The following ANK3 variants were observed in gnomAD, a reference collection of about 807,000 sequenced individuals.
The protein encoded by ANK3 is ankyrin 3.
In ANK3, 57 loss-of-function variants were observed where a neutral mutation model predicts 370.9. The ratio of observed to expected loss-of-function variants is 0.15; its 90% CI spans 0.12 to 0.19. The LOEUF (loss-of-function observed/expected upper bound fraction) is 0.19. Among genes scored for constraint, ANK3 ranks in the 10% least tolerant of loss-of-function variants. The pLI is 1.00. For missense variants in ANK3, 4,439 were observed against 5,302.1 expected, an observed-to-expected ratio of 0.84 and a Z score of 5.06; for synonymous variants, 1,929 against 1,946.3, an observed-to-expected ratio of 0.99 and a Z score of 0.23.
intron 28 of ANK3, among the ~76,000 whole-genome samples, chr10:60,101,118 G>A (rs4948387): frequency 6.6e-6 from 1 of 152,034 alleles, no homozygotes; most frequent in African/African-American, 2.4e-5. Context: ...TGTAACCAAT[G>A]TAAAAATTAA....
chr10:60,229,146 G>C (rs572082292), intron 8 of ANK3, among the ~76,000 whole-genome samples: 295 of 152,104 alleles, frequency 1.9e-3, no homozygotes, highest in African/African-American at 6.8e-3. Context: ...CATGATTACT[G>C]GTCCTTCTTT....
intron 2 of ANK3, among the ~76,000 whole-genome samples, chr10:60,420,717 G>A (rs1245953137): frequency 6.6e-6 from 1 of 152,064 alleles, no homozygotes; most frequent in Admixed American, 6.6e-5. Flanking sequence ...CAGATTCTGA[G>A]CATCTGGCTA....
chr10:60,567,504 A>G (rs1595294668), intron 2 of ANK3, among the ~76,000 whole-genome samples: 1 of 152,162 alleles, frequency 6.6e-6, no homozygotes, highest in Admixed American at 6.6e-5. Flanking sequence ...TTGACAATGC[A>G]CCTGATCACC....
At chr10:60,644,602 T>C (rs2078683191) in intron 1 of ANK3, among the ~76,000 whole-genome samples, 1 of 152,096 alleles carries the variant, frequency 6.6e-6, no homozygotes. Context: ...ATTCTTAAAA[T>C]TGCAGCTTGG....
intron 42 of ANK3, among the ~76,000 whole-genome samples, chr10:60,045,989 C>T (rs10994164): frequency 9.9e-5 from 15 of 151,062 alleles, no homozygotes; most frequent in Non-Finnish European, 1.3e-4. Context: ...TGACAATGGG[C>T]GGGACATTTA....
chr10:60,511,818 CTT>C (rs1286350560), intron 2 of ANK3, among the ~76,000 whole-genome samples: 1 of 149,928 alleles, frequency 6.7e-6, no homozygotes, highest in South Asian at 2.1e-4. Flanking sequence ...GGAGAGGAGA[CTT>C]TGCAAATTGT....
At chr10:60,591,672 C>A (rs2077916610) in intron 2 of ANK3, among the ~76,000 whole-genome samples, 1 of 152,092 alleles carries the variant, frequency 6.6e-6, no homozygotes, top group Non-Finnish European at 1.5e-5. Context: ...TGGAAGCAAC[C>A]TAAGTATCCA....
chr10:60,704,219 T>C (rs904423556), intron 1 of ANK3, among the ~76,000 whole-genome samples: 1 of 152,228 alleles, frequency 6.6e-6, no homozygotes, highest in African/African-American at 2.4e-5. Flanking sequence ...AAACATAGGC[T>C]GTTAAGCCTC....
At chr10:60,361,493 A>AT (rs2058603703) in intron 1 of ANK3, among the ~76,000 whole-genome samples, 1 of 152,210 alleles carries the variant, frequency 6.6e-6, no homozygotes, top group African/African-American at 2.4e-5. Context: ...TTAACTCAAG[A>AT]CTTTTCAGAA....
chr10:60,094,812 A>C (rs2089732726), intron 28 of ANK3, among the ~76,000 whole-genome samples: 1 of 152,202 alleles, frequency 6.6e-6, no homozygotes, highest in Non-Finnish European at 1.5e-5. Flanking sequence ...TTATTACCTG[A>C]CCATTAATAG....
At chr10:60,312,528 A>G (rs1266430044) in intron 1 of ANK3, among the ~76,000 whole-genome samples, 1 of 152,190 alleles carries the variant, frequency 6.6e-6, no homozygotes, top group South Asian at 2.1e-4. Context: ...TTGTCAAGTC[A>G]TAGCAATTCT....
intron 1 of ANK3, among the ~76,000 whole-genome samples, chr10:60,356,810 G>A (rs1164779315): frequency 2.0e-5 from 3 of 152,130 alleles, no homozygotes; most frequent in Non-Finnish European, 4.4e-5. Flanking sequence ...CTGGGTTTAG[G>A]CGATTCTTGT....
At chr10:60,604,999 C>G (rs775895221) in intron 2 of ANK3, among the ~76,000 whole-genome samples, 1 of 152,158 alleles carries the variant, frequency 6.6e-6, no homozygotes, top group Non-Finnish European at 1.5e-5. Context: ...TTAAGTTTTG[C>G]TGCCTTAAAT....
At chr10:60,109,418 T>C (rs946432763) in intron 26 of ANK3, among the ~76,000 whole-genome samples, 2 of 152,206 alleles carry the variant, frequency 1.3e-5, no homozygotes, top group Non-Finnish European at 2.9e-5. Flanking sequence ...TCAAAGGTCA[T>C]TTTAACTATA....
intron 1 of ANK3, among the ~76,000 whole-genome samples, chr10:60,305,810 A>T (rs937360870): frequency 3.3e-5 from 5 of 152,212 alleles, no homozygotes; most frequent in Admixed American, 6.5e-5. Flanking sequence ...CGGAGGCAGA[A>T]GCTGAATCCC....
At chr10:60,720,047 A>G (rs1429758489) in intron 1 of ANK3, among the ~76,000 whole-genome samples, 1 of 152,232 alleles carries the variant, frequency 6.6e-6, no homozygotes, top group Non-Finnish European at 1.5e-5. Context: ...TCATTTTATT[A>G]CAAGAGGATG....
intron 2 of ANK3, among the ~76,000 whole-genome samples, chr10:60,429,277 C>G (rs1196941242): frequency 1.3e-5 from 2 of 151,948 alleles, no homozygotes; most frequent in Non-Finnish European, 2.9e-5. Flanking sequence ...TCTCAAGCAG[C>G]CTATCTTCCT....
At chr10:60,503,183 T>C (rs1054360145) in intron 2 of ANK3, among the ~76,000 whole-genome samples, 2 of 152,176 alleles carry the variant, frequency 1.3e-5, no homozygotes, top group Non-Finnish European at 2.9e-5. Flanking sequence ...GACTTTGGCA[T>C]ACAAAGAGTA....
At chr10:60,147,463 T>C (rs2094886117) in intron 23 of ANK3, among the ~76,000 whole-genome samples, 1 of 152,218 alleles carries the variant, frequency 6.6e-6, no homozygotes, top group South Asian at 2.1e-4. Flanking sequence ...TGTCGTTCTT[T>C]CAAAACAGAA....
Sources: allele counts gnomAD v4.1 joint callset (sites outside exome capture counted in the v4.1 genomes callset), GRCh38; gene constraint gnomAD v4.1.1; transcripts MANE v1.5; gene names NCBI Gene and HGNC (gene_info 2026-07-23, HGNC 2026-07-21).